Variants in ZAR1L observed in about 807,000 individuals in gnomAD.
The protein encoded by ZAR1L is protein ZAR1-like.
ZAR1L carries 16 observed loss-of-function variants against 30.0 expected under a neutral mutation model. That is an observed-to-expected ratio of 0.53 (90% CI 0.36 to 0.81). The LOEUF is 0.81. ZAR1L is among the 30% of genes least tolerant of loss of function. ZAR1L has a pLI of 0.00. For synonymous variants in ZAR1L, 197 were observed against 166.8 expected (o/e 1.18, Z -1.40); for missense variants, 392 against 417.2 (o/e 0.94, Z 0.53).
At chr13:32,304,087 A>C in intron 5 of ZAR1L, 65 bp from the exon 6 acceptor site, 1 of 1,485,422 alleles carries the variant, frequency 6.7e-7, no homozygotes, top group South Asian at 1.3e-5. Flanking sequence ...TGTAACCCTC[A>C]AATCACAGTA....
At chr13:32,315,113 G>T (rs2072240967) in intron 1 of ZAR1L, among the ~76,000 whole-genome samples, 1 of 152,116 alleles carries the variant, frequency 6.6e-6, no homozygotes, top group South Asian at 2.1e-4. Flanking sequence ...GCTCGCTTTG[G>T]GGAACAGGTC....
At chr13:32,310,584 G>A (rs1309056881) in intron 4 of ZAR1L, 55 bp downstream of exon 4, 9 of 1,205,020 alleles carry the variant, frequency 7.5e-6, no homozygotes, top group South Asian at 1.3e-5. Flanking sequence ...ATTCTTCCCC[G>A]CTTACCATCC....
chr13:32,310,722 G>C lies in ZAR1L; in HGVS notation c.664C>G (p.Pro222Ala). The change falls in exon 4 of 6, where the codon CCA (proline) becomes GCA (alanine). Residue 222 changes from proline (P) to alanine (A), a missense_variant. Pro to Ala is a conservative substitution (Grantham distance 27). Coordinates refer to ENST00000533490, the MANE Select transcript of ZAR1L (RefSeq NM_001136571.2). Reference protein sequence around the residue: ...LRRPNFQFLEPKYGYFHCKDC... With the variant: ...LRRPNFQFLEAKYGYFHCKDC... ...TTACAGTGGAAATAGCCATATTTTG[G>C]TTCCAAAAACTGAAAATAAAGAAGA... 6.4e-7 allele frequency: 1 copy of C among 1,550,598 alleles called. No individual in the cohort carries two copies.
chr13:32,308,383 G>T (rs1281059630), intron 5 of ZAR1L, among the ~76,000 whole-genome samples: 2 of 152,082 alleles, frequency 1.3e-5, no homozygotes, highest in Non-Finnish European at 2.9e-5. Context: ...CTCAAAATTT[G>T]GCATGTAGTA....
At chr13:32,311,197 A>C (rs2072209372) in intron 3 of ZAR1L, 75 bp downstream of exon 3, 2 of 1,437,242 alleles carry the variant, frequency 1.4e-6, no homozygotes, top group Non-Finnish European at 1.8e-6. Context: ...TTTTGCTCTT[A>C]TTGCCCCCAT....
intron 2 of ZAR1L, among the ~76,000 whole-genome samples, chr13:32,313,672 T>C (rs187284594): frequency 7.4e-4 from 112 of 152,338 alleles, no homozygotes; most frequent in East Asian, 1.9e-3. Context: ...CAGCTGGAAA[T>C]AATGTTTTTA....
At position 32,308,683 on chromosome 13, in the gene ZAR1L, C is replaced by T. The variant is rs1056761182; in HGVS notation, c.822+3G>A. The T allele has an allele frequency of 1.9e-6, 3 of 1,548,830 alleles. No homozygotes were observed. Among genetic ancestry groups the T allele is most frequent in the East Asian group, 4.9e-5 (2 of 40,854 alleles). ...ACACAATGGAAGTGTTCCATATGCT[C>T]ACCTGACATTGGATTGCTTCTACTC... On this transcript the variant is annotated splice_donor_region_variant and intron_variant, in intron 5 of 5. Coordinates refer to ENST00000533490, the MANE Select transcript of ZAR1L (RefSeq NM_001136571.2).
At chr13:32,309,293 G>A (rs895298029) in intron 4 of ZAR1L, among the ~76,000 whole-genome samples, 2 of 151,974 alleles carry the variant, frequency 1.3e-5, no homozygotes, top group African/African-American at 4.8e-5. Flanking sequence ...CATCCAGCCA[G>A]AATAATACGA....
At position 32,304,809 on chromosome 13, in the gene ZAR1L, C is replaced by CTTTT. The variant is rs776182055; in HGVS notation, c.823-791_823-788dup. Reference sequence around the variant, plus strand: ...CCACATGGAATAAGTCAAGATTTACCTTTTTTTTTTTTTTTTTGAAATGGA... The same window carrying CTTTT: ...CCACATGGAATAAGTCAAGATTTACCTTTTTTTTTTTTTTTTTTTTTGAAATGGA... On this transcript the variant is annotated intron_variant, in intron 5 of 5. Transcript: ENST00000533490. Among the ~76,000 whole-genome samples, 26 of 136,130 alleles carry CTTTT rather than the reference C, an allele frequency of 1.9e-4. 1 individual carries two copies. Among genetic ancestry groups the CTTTT allele is most frequent in the Non-Finnish European group, 2.8e-4 (18 of 63,950 alleles). The allele number at this position is 136,130 out of a possible 152,430, so 89.3% of individuals were successfully genotyped here.
rs1167878440 is a variant in ZAR1L, at chr13:32,307,794, CAATTA to C, written c.822+887_822+891del. ...ACTTATAAGCTAGTTTTCGAAATGTCAATTAATTTATTAATTAATTATTTTTGAGA... is the reference window on the plus strand; with the variant it reads ...ACTTATAAGCTAGTTTTCGAAATGTCATTTATTAATTAATTATTTTTGAGA... On this transcript the variant is annotated intron_variant, in intron 5 of 5. Coordinates refer to ENST00000533490, the MANE Select transcript of ZAR1L (RefSeq NM_001136571.2). Among the ~76,000 whole-genome samples the C allele has an allele frequency of 2.6e-5, 4 of 152,016 alleles. No homozygotes were observed. The East Asian group carries it at 7.7e-4, about 29-fold the overall frequency.
At chr13:32,307,498 CAAAAAAAAAAAAAAAAA>C (rs772822284) in intron 5 of ZAR1L, among the ~76,000 whole-genome samples, 1 of 15,356 alleles carries the variant, frequency 6.5e-5, no homozygotes, top group Non-Finnish European at 1.1e-4. Flanking sequence ...GAGTCTGTCT[CAAAAAAAAAAAAAAAAA>C]AAAAAAAAAA....
In ZAR1L at chr13:32,311,833, C is replaced by G; in HGVS notation, c.93G>C (p.Gln31His). 6.4e-7 allele frequency: 1 copy of G among 1,551,682 alleles called. No individual in the cohort carries two copies. The highest frequency in any genetic ancestry group is 1.2e-5 in the South Asian group (1 of 84,068). Residue 31 changes from glutamine (Q) to histidine (H), a missense_variant, in exon 3 of 6, where the codon CAG becomes CAC. By Grantham distance (24) the Gln-to-His change is conservative. Transcript: ENST00000533490. ...GACCCATATTTTGCCTCCAGTCGGGCTGTTTGTGCCCTGAGAGTCCAGGCT... is the reference window on the plus strand; with the variant it reads ...GACCCATATTTTGCCTCCAGTCGGGGTGTTTGTGCCCTGAGAGTCCAGGCT... ...LGQPGLSGHK[Q>H]PDWRQNMGPP...
rs749080727 is a variant in ZAR1L at position 32,311,511 on chromosome 13, G to A, written c.415C>T (p.Arg139Cys). The A allele has an allele frequency of 3.2e-6, 5 of 1,539,224 alleles. No homozygotes were observed. Among genetic ancestry groups the A allele is most frequent in the South Asian group, 2.4e-5 (2 of 83,518 alleles). ...CTCCGCAGGCGGATCAAGCCCCTGC[G>A]GCCGGTGGCGGGCGAAGTGACCCCA... is the stretch of plus-strand genomic sequence containing the variant. ...ACGVTSPATG[R>C]RGLIRLRRDG... Residue 139 changes from arginine (R) to cysteine (C), a missense_variant, in exon 3 of 6, where the codon CGC becomes TGC. Physicochemically the swap from Arg to Cys is radical, Grantham distance 180. Coordinates refer to ENST00000533490, the MANE Select transcript of ZAR1L (RefSeq NM_001136571.2).
rs1243466902 is a variant in ZAR1L, at chr13:32,311,811, C to A, written c.115G>T (p.Gly39Cys). ...HKQPDWRQNM[G>C]PPTFLARPGL... ...GGCCTGGCCAGAAAAGTGGGAGGAC[C>A]CATATTTTGCCTCCAGTCGGGCTGT... Residue 39 changes from glycine to cysteine, a missense_variant, in exon 3 of 6, where the codon GGT (glycine) becomes TGT (cysteine). By Grantham distance (159) the Gly-to-Cys change is radical. Coordinates refer to ENST00000533490, the MANE Select transcript of ZAR1L (RefSeq NM_001136571.2). 6.4e-7 allele frequency: 1 copy of A among 1,551,662 alleles called. No individual in the cohort carries two copies. Among genetic ancestry groups the A allele is most frequent in the East Asian group, 2.4e-5 (1 of 40,920 alleles).
chr13:32,313,424 T>C (rs1044582550), intron 2 of ZAR1L, among the ~76,000 whole-genome samples: 5 of 152,366 alleles, frequency 3.3e-5, no homozygotes, highest in African/African-American at 1.2e-4. Context: ...AGGAGTGCAG[T>C]GGCATGATTT....
rs2072216874 is a variant in ZAR1L, at chr13:32,311,892, A to G, written c.34T>C (p.Tyr12His). Residue 12 changes from tyrosine to histidine, a missense_variant, in exon 3 of 6, where the codon TAC becomes CAC. Tyr to His is a moderately conservative substitution (Grantham distance 83). Transcript: ENST00000533490. ...GGCACTGTGCTCCCATAACCCTGGTACAAGCCATAGGGAACACGGACAAAG... is the reference window on the plus strand; with the variant it reads ...GGCACTGTGCTCCCATAACCCTGGTGCAAGCCATAGGGAACACGGACAAAG... ...ERFVRVPYGL[Y>H]QGYGSTVPLG... 2 of 1,551,334 alleles carry G rather than the reference A, an allele frequency of 1.3e-6. No individual in the cohort carries two copies. The highest frequency in any genetic ancestry group is 1.2e-5 in the South Asian group (1 of 84,040).
chr13:32,314,800 G>A (rs2072238026), intron 1 of ZAR1L, among the ~76,000 whole-genome samples: 1 of 152,100 alleles, frequency 6.6e-6, no homozygotes, highest in Non-Finnish European at 1.5e-5. Context: ...TGCGGTGAGC[G>A]GAGATTGCGC....
intron 4 of ZAR1L, 128 bp downstream of exon 4, chr13:32,310,511 G>T: frequency 1.5e-6 from 1 of 672,606 alleles, no homozygotes; most frequent in Non-Finnish European, 2.6e-6. Context: ...CTGTACACCT[G>T]GCACGGGGGA....
chr13:32,310,171 C>A (rs896894312), intron 4 of ZAR1L, among the ~76,000 whole-genome samples: 1 of 152,268 alleles, frequency 6.6e-6, no homozygotes, highest in South Asian at 2.1e-4. Flanking sequence ...TAATGTGAAG[C>A]CTTTTCCAGT....
Sources: gnomAD v4.1 joint callset for allele counts (sites outside exome capture counted in the v4.1 genomes callset) on GRCh38, gnomAD v4.1.1 for gene constraint, MANE v1.5 for transcripts, NCBI Gene and HGNC (gene_info 2026-07-23, HGNC 2026-07-21) for gene names.